The following ROBO2 variants were observed in gnomAD, a reference collection of about 807,000 sequenced individuals.
ROBO2 encodes the protein roundabout homolog 2.
In ROBO2, 53 loss-of-function variants were observed where a neutral mutation model predicts 160.8. That is an observed-to-expected ratio of 0.33 (90% confidence interval 0.26 to 0.41). The LOEUF is 0.41. Among genes scored for constraint, ROBO2 ranks in the 10% least tolerant of loss-of-function variants. ROBO2 has a pLI of 1.00. For synonymous variants in ROBO2, 664 were observed against 611.7 expected, an observed-to-expected ratio of 1.09 and a Z score of -1.26; for missense variants, 1,577 against 1,722.4, an observed-to-expected ratio of 0.92 and a Z score of 1.49.
chr3:76,224,352 G>A (rs1459822712), intron 2 of ROBO2, among the ~76,000 whole-genome samples: 3 of 152,164 alleles, frequency 2.0e-5, no homozygotes, highest in African/African-American at 7.2e-5. Context: ...AACTTAAGAG[G>A]ATATGAGGCA....
chr3:76,817,410 G>A (rs1345235025), intron 2 of ROBO2, among the ~76,000 whole-genome samples: 1 of 152,082 alleles, frequency 6.6e-6, no homozygotes, highest in African/African-American at 2.4e-5. Flanking sequence ...TTTTCATGCT[G>A]AAACAAACAG....
chr3:77,027,316 C>T (rs1456471208), intron 2 of ROBO2, among the ~76,000 whole-genome samples: 2 of 152,176 alleles, frequency 1.3e-5, no homozygotes, highest in Non-Finnish European at 2.9e-5. Flanking sequence ...CCCGAACCAC[C>T]TAATGCAGTT....
rs560309146 is a variant in ROBO2, at chr3:76,338,763, A to G, written c.109+401161A>G. Reference sequence around the variant, plus strand: ...TATGTATAATTATTTTTATTAATCAAATTTATTTTGTTATATATTTGATTA... The same window carrying G: ...TATGTATAATTATTTTTATTAATCAGATTTATTTTGTTATATATTTGATTA... On this transcript the variant is annotated intron_variant, in intron 2 of 26. Coordinates refer to the ROBO2 transcript ENST00000487694. Among the ~76,000 whole-genome samples the G allele has an allele frequency of 8.6e-5, 13 of 150,638 alleles. No homozygotes were observed. In the East Asian group the frequency reaches 2.1e-3, roughly 25 times the overall value.
At chr3:76,678,478 G>C (rs201382773) in intron 2 of ROBO2, among the ~76,000 whole-genome samples, 3 of 152,028 alleles carry the variant, frequency 2.0e-5, no homozygotes, top group African/African-American at 7.2e-5. Context: ...CTGATGATCA[G>C]GTTCCAAAGT....
chr3:77,601,213 A>C (rs1266451045), intron 19 of ROBO2, among the ~76,000 whole-genome samples: 1 of 152,206 alleles, frequency 6.6e-6, no homozygotes, highest in Non-Finnish European at 1.5e-5. Context: ...CTATAATGAA[A>C]GAATGCAGTG....
chr3:76,960,550 A>G (rs2079575723), intron 2 of ROBO2, among the ~76,000 whole-genome samples: 1 of 152,114 alleles, frequency 6.6e-6, no homozygotes, highest in South Asian at 2.1e-4. Flanking sequence ...CTCTAGTTCC[A>G]AAAGGTAAGA....
chr3:77,059,440 G>A (rs1291523026), intron 1 of ROBO2, among the ~76,000 whole-genome samples: 1 of 152,146 alleles, frequency 6.6e-6, no homozygotes, highest in Admixed American at 6.6e-5. Context: ...AGCCTATAAG[G>A]CGTAAAATTT....
At chr3:76,686,618 T>A (rs984194736) in intron 2 of ROBO2, among the ~76,000 whole-genome samples, 1 of 152,070 alleles carries the variant, frequency 6.6e-6, no homozygotes. Flanking sequence ...ATCATATTAG[T>A]GTTTGAATAC....
At chr3:75,978,246 T>G (rs2065183169) in intron 2 of ROBO2, among the ~76,000 whole-genome samples, 1 of 151,552 alleles carries the variant, frequency 6.6e-6, no homozygotes, top group Admixed American at 6.6e-5. Flanking sequence ...TGTTTTTTCA[T>G]AAGTCTAGTG....
chr3:76,687,304 A>G (rs2092705671), intron 2 of ROBO2, among the ~76,000 whole-genome samples: 1 of 152,080 alleles, frequency 6.6e-6, no homozygotes, highest in Admixed American at 6.6e-5. Flanking sequence ...TACATTTCTC[A>G]TATGTAAAAT....
intron 2 of ROBO2, among the ~76,000 whole-genome samples, chr3:76,800,583 A>G (rs546089727): frequency 2.2e-4 from 33 of 152,342 alleles, no homozygotes; most frequent in African/African-American, 7.2e-4. Context: ...ACAGTTCTCA[A>G]AAGAAGACAT....
intron 2 of ROBO2, among the ~76,000 whole-genome samples, chr3:77,257,759 C>A (rs2058516329): frequency 6.6e-6 from 1 of 152,056 alleles, no homozygotes; most frequent in Admixed American, 6.5e-5. Context: ...TTCCAACTTA[C>A]AAGATAAGAG....
chr3:76,548,121 T>A (rs2083213235), intron 2 of ROBO2, among the ~76,000 whole-genome samples: 3 of 152,186 alleles, frequency 2.0e-5, no homozygotes, highest in Admixed American at 2.0e-4. Context: ...TTCATCATGA[T>A]GTTTGGATAT....
At chr3:76,398,557 C>G (rs1426094401) in intron 2 of ROBO2, among the ~76,000 whole-genome samples, 1 of 151,742 alleles carries the variant, frequency 6.6e-6, no homozygotes, top group Admixed American at 6.6e-5. Context: ...ACCACCTAAC[C>G]TTACCAATTC....
intron 2 of ROBO2, among the ~76,000 whole-genome samples, chr3:77,026,519 A>T (rs960478450): frequency 6.6e-5 from 10 of 152,314 alleles, no homozygotes; most frequent in African/African-American, 2.4e-4. Context: ...CTTTCAAAGT[A>T]ACTTTATTTC....
At chr3:77,457,899 A>T (rs1052837197) in intron 2 of ROBO2, among the ~76,000 whole-genome samples, 2 of 152,138 alleles carry the variant, frequency 1.3e-5, no homozygotes, top group African/African-American at 4.8e-5. Context: ...ACCTAGTTAT[A>T]TGTTTATATA....
intron 2 of ROBO2, among the ~76,000 whole-genome samples, chr3:77,229,191 A>G (rs1283606652): frequency 6.6e-6 from 1 of 152,154 alleles, no homozygotes; most frequent in African/African-American, 2.4e-5. Context: ...TTATATAGCT[A>G]TGTATCGTTT....
intron 2 of ROBO2, among the ~76,000 whole-genome samples, chr3:76,984,038 G>A (rs1333570519): frequency 1.3e-5 from 2 of 152,138 alleles, no homozygotes; most frequent in Non-Finnish European, 2.9e-5. Context: ...CAGGGGAAAT[G>A]CCAGAGGCTT....
At chr3:76,429,748 A>T (rs1209969423) in intron 2 of ROBO2, among the ~76,000 whole-genome samples, 1 of 152,158 alleles carries the variant, frequency 6.6e-6, no homozygotes, top group Non-Finnish European at 1.5e-5. Flanking sequence ...TTCAACAGTA[A>T]ATATGACTAT....
Sources: allele counts gnomAD v4.1 joint callset (sites outside exome capture counted in the v4.1 genomes callset), GRCh38; gene constraint gnomAD v4.1.1; transcripts MANE v1.5; gene names NCBI Gene and HGNC (gene_info 2026-07-23, HGNC 2026-07-21).